TMEM163: variants seen among roughly 807,000 people sequenced by gnomAD.
TMEM163 encodes the protein transmembrane protein 163.
In TMEM163, 17 loss-of-function variants were observed where a neutral mutation model predicts 29.3. The ratio of observed to expected loss-of-function variants is 0.58; its 90% confidence interval spans 0.40 to 0.87. The LOEUF (loss-of-function observed/expected upper bound fraction) is 0.87. Ranked by LOEUF, TMEM163 falls within the 40% of genes least tolerant of loss-of-function variation. The pLI is 0.00. For synonymous variants in TMEM163, 157 were observed against 160.6 expected, an observed-to-expected ratio of 0.98 and a Z score of 0.17; for missense variants, 303 against 381.5, an observed-to-expected ratio of 0.79 and a Z score of 1.71.
At chr2:134,595,757 C>G (rs1247903023) in intron 2 of TMEM163, among the ~76,000 whole-genome samples, 3 of 152,208 alleles carry the variant, frequency 2.0e-5, no homozygotes, top group Non-Finnish European at 4.4e-5. Context: ...TCCTATTTCT[C>G]CACATGCTCT....
chr2:134,516,685 G>C lies in TMEM163; in HGVS notation c.459-13688C>G, dbSNP rs7583847. 9.1e-4 allele frequency among the ~76,000 whole-genome samples: 130 copies of C among 142,230 alleles called. 1 individual carries two copies. The highest frequency in any genetic ancestry group is 3.3e-3 in the African/African-American group (129 of 39,296). The allele number at this position is 142,230 out of a possible 152,430, so 93.3% of individuals were successfully genotyped here. Reference sequence around the variant, plus strand: ...TTCATACATATAGTCATACATATATGCATATATATGCATATATTCATATAT... The same window carrying C: ...TTCATACATATAGTCATACATATATCCATATATATGCATATATTCATATAT... On this transcript the variant is annotated intron_variant, in intron 4 of 7. Coordinates refer to ENST00000281924, the MANE Select transcript of TMEM163 (RefSeq NM_030923.5).
intron 2 of TMEM163, 114 bp from the exon 3 acceptor site, chr2:134,552,205 A>G (rs1183394391): frequency 4.0e-6 from 3 of 754,496 alleles, no homozygotes; most frequent in Non-Finnish European, 6.3e-6. Flanking sequence ...AGAGAACAAA[A>G]CCAAAAATTA....
chr2:134,537,039 T>C (rs1680557425), intron 4 of TMEM163, among the ~76,000 whole-genome samples: 1 of 152,176 alleles, frequency 6.6e-6, no homozygotes, highest in Admixed American at 6.5e-5. Flanking sequence ...CTTCAAAATA[T>C]GTTGCCCACA....
At chr2:134,650,169 G>C (rs1266622101) in intron 2 of TMEM163, among the ~76,000 whole-genome samples, 1 of 151,852 alleles carries the variant, frequency 6.6e-6, no homozygotes, top group African/African-American at 2.4e-5. Context: ...ATATGCTTTA[G>C]TATGTATATG....
chr2:134,612,373 T>A (rs1174250642), intron 2 of TMEM163, among the ~76,000 whole-genome samples: 1 of 152,078 alleles, frequency 6.6e-6, no homozygotes, highest in Non-Finnish European at 1.5e-5. Flanking sequence ...CTCTAAACTT[T>A]TTCTGGGAAG....
intron 2 of TMEM163, among the ~76,000 whole-genome samples, chr2:134,636,081 A>G (rs1683096827): frequency 1.3e-5 from 2 of 152,004 alleles, no homozygotes; most frequent in South Asian, 2.1e-4. Context: ...GGAACTCTCA[A>G]TTGTCTCTGC....
At chr2:134,520,465 T>G (rs1445833471) in intron 4 of TMEM163, among the ~76,000 whole-genome samples, 1 of 152,222 alleles carries the variant, frequency 6.6e-6, no homozygotes, top group Non-Finnish European at 1.5e-5. Context: ...GCTGTGTCAC[T>G]TCTCTATGCC....
At chr2:134,534,749 A>G (rs1349767214) in intron 4 of TMEM163, among the ~76,000 whole-genome samples, 1 of 151,998 alleles carries the variant, frequency 6.6e-6, no homozygotes, top group Non-Finnish European at 1.5e-5. Context: ...GTGAGACTCC[A>G]TCTCAAAAAT....
intron 2 of TMEM163, among the ~76,000 whole-genome samples, chr2:134,650,272 T>C (rs1412778418): frequency 6.6e-6 from 1 of 151,968 alleles, no homozygotes; most frequent in Non-Finnish European, 1.5e-5. Context: ...CTTACCCTTC[T>C]CTATCATATA....
chr2:134,527,464 A>C (rs538222734), intron 4 of TMEM163, among the ~76,000 whole-genome samples: 28 of 152,364 alleles, frequency 1.8e-4, no homozygotes, highest in African/African-American at 6.5e-4. Flanking sequence ...ACTTGCCAAA[A>C]AAAACAGCCC....
chr2:134,609,125 G>GGAT (rs1335748472), intron 2 of TMEM163, among the ~76,000 whole-genome samples: 1 of 33,052 alleles, frequency 3.0e-5, no homozygotes, highest in South Asian at 1.5e-3. Context: ...CTGGTGAAAA[G>GGAT]GACAGACCCC....
chr2:134,651,541 T>C (rs1319047071), intron 2 of TMEM163, among the ~76,000 whole-genome samples: 9 of 124,286 alleles, frequency 7.2e-5, no homozygotes, highest in Admixed American at 3.2e-4. Flanking sequence ...AGAAGCTCTT[T>C]AGTTTAATTA....
At chr2:134,682,362 G>T (rs1035997884) in intron 2 of TMEM163, among the ~76,000 whole-genome samples, 2 of 152,164 alleles carry the variant, frequency 1.3e-5, no homozygotes, top group Admixed American at 6.5e-5. Flanking sequence ...AACACACACA[G>T]GTCATGCTCA....
chr2:134,492,768 G>A (rs1173455138), intron 5 of TMEM163, among the ~76,000 whole-genome samples: 2 of 152,108 alleles, frequency 1.3e-5, no homozygotes, highest in Non-Finnish European at 2.9e-5. Flanking sequence ...CATATAGGTT[G>A]TTTCCAGTTT....
At chr2:134,661,653 C>T (rs565335469) in intron 2 of TMEM163, among the ~76,000 whole-genome samples, 6 of 152,300 alleles carry the variant, frequency 3.9e-5, no homozygotes, top group South Asian at 2.1e-4. Flanking sequence ...CAGCCATTCA[C>T]AATACATAGT....
In TMEM163 at chr2:134,718,823, G is replaced by T; in HGVS notation, c.113C>A (p.Ser38Tyr). The T allele has an allele frequency of 8.8e-7, 1 of 1,133,636 alleles. No homozygotes were observed. Among genetic ancestry groups the T allele is most frequent in the East Asian group, 4.6e-5 (1 of 21,726 alleles). 70.2% of individuals were successfully genotyped at this position (1,133,636 alleles called of 1,614,324 possible). ...CAGCTGGGGCGGCTCGCGCACCGGGGAGCTCAGCGGGGCCGGGCCGGGGGC... is the reference window on the plus strand; with the variant it reads ...CAGCTGGGGCGGCTCGCGCACCGGGTAGCTCAGCGGGGCCGGGCCGGGGGC... The part of the protein sequence containing the change: ...AAAPGPAPLS[S>Y]PVREPPQLEE... The change falls in exon 1 of 8, where the codon TCC becomes TAC. Residue 38 changes from serine to tyrosine, a missense_variant. Coordinates refer to ENST00000281924, the MANE Select transcript of TMEM163 (RefSeq NM_030923.5).
At chr2:134,494,989 C>T (rs1456226075) in intron 5 of TMEM163, among the ~76,000 whole-genome samples, 1 of 152,094 alleles carries the variant, frequency 6.6e-6, no homozygotes, top group Non-Finnish European at 1.5e-5. Context: ...CAGGTTCTCC[C>T]TCCCAGGTTC....
intron 2 of TMEM163, among the ~76,000 whole-genome samples, chr2:134,593,886 A>G (rs1050589671): frequency 6.6e-6 from 1 of 151,230 alleles, no homozygotes; most frequent in South Asian, 2.1e-4. Context: ...ATTAACCCCT[A>G]TGAAGGCCGC....
At chr2:134,656,428 C>G (rs1001548313) in intron 2 of TMEM163, among the ~76,000 whole-genome samples, 8 of 151,940 alleles carry the variant, frequency 5.3e-5, no homozygotes, top group East Asian at 1.9e-4. Context: ...CACGCACCCA[C>G]TGGCCTGCGC....
Sources: allele counts gnomAD v4.1 joint callset (sites outside exome capture counted in the v4.1 genomes callset), GRCh38; gene constraint gnomAD v4.1.1; transcripts MANE v1.5; gene names NCBI Gene and HGNC (gene_info 2026-07-23, HGNC 2026-07-21).